The following SPTB variants were observed in gnomAD, a reference collection of about 807,000 sequenced individuals.
SPTB encodes spectrin beta chain, erythrocytic.
In SPTB, 45 loss-of-function variants were observed where a neutral mutation model predicts 256.2. The ratio of observed to expected loss-of-function variants is 0.18; its 90% CI spans 0.14 to 0.23. The LOEUF (loss-of-function observed/expected upper bound fraction) is 0.23, where lower values mean the gene tolerates loss of function less well. Ranked by LOEUF, SPTB falls within the 10% of genes least tolerant of loss-of-function variation. The pLI is 1.00. For synonymous variants in SPTB, 1,231 were observed against 1,243.1 expected, an observed-to-expected ratio of 0.99 and a Z score of 0.21; for missense variants, 2,715 against 3,040.4, an observed-to-expected ratio of 0.89 and a Z score of 2.52.
chr14:64,772,924 G>T lies in SPTB; in HGVS notation c.5209C>A (p.Arg1737=), dbSNP rs149727354. The change falls in exon 26 of 36, where the codon CGG becomes AGG. Residue 1737 remains arginine (R), a synonymous_variant. Transcript: ENST00000644917. This position sits in a 1 kb window ranked among gnomAD's most constrained non-coding sequence, Gnocchi z 5.4. The stretch of plus-strand genomic sequence containing the variant: ...TCCTGCCCAATCGCCCCGGTCTCCC[G>T]GGCAAAGTCCCGGAACTTGTCCCGC... ...LLRDKFRDFA[R]ETGAIGQERV... 1 of 1,603,442 alleles carries T rather than the reference G, an allele frequency of 6.2e-7. No homozygotes were observed.
intron 1 of SPTB, among the ~76,000 whole-genome samples, chr14:64,828,479 G>A (rs904323033): frequency 3.3e-5 from 5 of 152,210 alleles, no homozygotes; most frequent in Admixed American, 2.0e-4. Flanking sequence ...ACCATTAAAG[G>A]AGAGGGGAGA....
At position 64,793,399 on chromosome 14, in the gene SPTB, A is replaced by C; in HGVS notation, c.2264T>G (p.Leu755Arg). 1 of 1,613,392 alleles carries C rather than the reference A, an allele frequency of 6.2e-7. No individual in the cohort carries two copies. Among genetic ancestry groups the C allele is most frequent in the South Asian group, 1.1e-5 (1 of 91,078 alleles). The change falls in exon 14 of 36, where the codon CTG (leucine) becomes CGG (arginine). Residue 755 changes from leucine (L) to arginine (R), a missense_variant. Leu to Arg is a moderately radical substitution (Grantham distance 102). Coordinates refer to ENST00000644917, the MANE Select transcript of SPTB (RefSeq NM_001355436.2). This position sits in a 1 kb window ranked among gnomAD's most constrained non-coding sequence, Gnocchi z 7.0. The stretch of plus-strand genomic sequence containing the variant: ...GTGGGCGTCTTGCAGCCAAGCCTTC[A>C]GGTCATCCGCATCGCCCTGGAACTG... ...FFQFQGDADD[L>R]KAWLQDAHRL...
In SPTB at chr14:64,796,419, C is replaced by G; in HGVS notation, c.1341+138G>C. On this transcript the variant is annotated intron_variant, in intron 11 of 35. Coordinates refer to ENST00000644917, the MANE Select transcript of SPTB (RefSeq NM_001355436.2). The surrounding 1 kb of genome is among the most constrained non-coding windows in gnomAD (Gnocchi z 4.1). ...CTCCTCCCCAGATGCAAATCTTGAT[C>G]CACTGGATCACGGGGGAGCTGTGCT... is the stretch of plus-strand genomic sequence containing the variant. The G allele has an allele frequency of 8.9e-7, 1 of 1,121,324 alleles. No individual in the cohort carries two copies. Among genetic ancestry groups the G allele is most frequent in the East Asian group, 2.4e-5 (1 of 41,882 alleles). The allele number at this position is 1,121,324 out of a possible 1,614,324, so 69.5% of individuals were successfully genotyped here. A position where few individuals can be genotyped will look rare whatever the true frequency, so the allele number is the denominator to read the frequency against.
chr14:64,764,143 C>T lies in SPTB; in HGVS notation c.6345+2583G>A, dbSNP rs575839833. On this transcript the variant is annotated intron_variant, in intron 32 of 35. Coordinates refer to ENST00000644917, the MANE Select transcript of SPTB (RefSeq NM_001355436.2). This position sits in a 1 kb window ranked among gnomAD's most constrained non-coding sequence, Gnocchi z 4.2. ...CCCCAGGACTATCCCCAAGGGGAGG[C>T]GCAGCCATTGGCCATCCCTTCCTGG... Among the ~76,000 whole-genome samples the T allele has an allele frequency of 2.7e-4, 41 of 152,332 alleles. No homozygotes were observed. The highest frequency in any genetic ancestry group is 7.5e-4 in the African/African-American group (31 of 41,560).
Position 64,772,916 on chromosome 14 carries a change from G to A in SPTB, c.5217C>T (p.Thr1739=), listed in dbSNP as rs758308830. 1.9e-5 allele frequency: 31 copies of A among 1,603,924 alleles called. No individual in the cohort carries two copies. Among genetic ancestry groups the A allele is most frequent in the African/African-American group, 1.2e-4 (9 of 74,788 alleles). ...RDKFRDFARE[T]GAIGQERVDN... is the part of the protein sequence containing the mutation. Reference sequence around the variant, plus strand: ...CCACCCGCTCCTGCCCAATCGCCCCGGTCTCCCGGGCAAAGTCCCGGAACT... The same window carrying A: ...CCACCCGCTCCTGCCCAATCGCCCCAGTCTCCCGGGCAAAGTCCCGGAACT... The change falls in exon 26 of 36, where the codon ACC becomes ACT. Residue 1739 remains threonine, a synonymous_variant. Transcript: ENST00000644917. The surrounding 1 kb of genome is among the most constrained non-coding windows in gnomAD (Gnocchi z 5.4).
chr14:64,842,351 T>C (rs1257902563), intron 1 of SPTB, among the ~76,000 whole-genome samples: 1 of 152,122 alleles, frequency 6.6e-6, no homozygotes, highest in African/African-American at 2.4e-5. Context: ...AGGCAGGGGA[T>C]TTCATGGCAG....
chr14:64,829,205 G>A (rs527537927), intron 1 of SPTB, among the ~76,000 whole-genome samples: 23 of 152,222 alleles, frequency 1.5e-4, no homozygotes, highest in Non-Finnish European at 2.5e-4. Flanking sequence ...CCATTTATAG[G>A]AATTACAGGA....
chr14:64,760,585 C>T lies in SPTB; in HGVS notation c.6345+6141G>A, dbSNP rs1402892842. Among the ~76,000 whole-genome samples, 1 of 152,260 alleles carries T rather than the reference C, an allele frequency of 6.6e-6. No individual in the cohort carries two copies. The highest frequency in any genetic ancestry group is 2.1e-4 in the South Asian group (1 of 4,824). ...CCCAGAAACAGGCTGACTGCAGCAA[C>T]GGGATGCATCGTGCCACAACTGAAT... On this transcript the variant is annotated intron_variant, in intron 32 of 35. Coordinates refer to ENST00000644917, the MANE Select transcript of SPTB (RefSeq NM_001355436.2). This position sits in a 1 kb window ranked among gnomAD's most constrained non-coding sequence, Gnocchi z 4.3.
At position 64,825,151 on chromosome 14, in the gene SPTB, C is replaced by T. The variant is rs969377538; in HGVS notation, c.-51-2006G>A. Among the ~76,000 whole-genome samples the T allele has an allele frequency of 7.2e-5, 11 of 151,918 alleles. No individual in the cohort carries two copies. Among genetic ancestry groups the T allele is most frequent in the Non-Finnish European group, 1.5e-4 (10 of 67,986 alleles). Reference sequence around the variant, plus strand: ...GAAAGGACTGGAGCACAGTTTGTTCCCCTCAATCAGAAGGGTTTCAGGAGG... The same window carrying T: ...GAAAGGACTGGAGCACAGTTTGTTCTCCTCAATCAGAAGGGTTTCAGGAGG... On this transcript the variant is annotated intron_variant, in intron 1 of 35. Coordinates refer to ENST00000644917, the MANE Select transcript of SPTB (RefSeq NM_001355436.2). The surrounding 1 kb of genome is among the most constrained non-coding windows in gnomAD (Gnocchi z 4.8).
At position 64,769,090 on chromosome 14, in the gene SPTB, G is replaced by C. The variant is rs749393104; in HGVS notation, c.5966C>G (p.Ser1989Cys). Residue 1989 changes from serine (S) to cysteine (C), a missense_variant, in exon 29 of 36, where the codon TCC becomes TGC. This residue lies in a region of SPTB where 2,239 missense variants were observed against 2,384.4 expected (regional missense o/e 0.94). Coordinates refer to ENST00000644917, the MANE Select transcript of SPTB (RefSeq NM_001355436.2). Reference sequence around the variant, plus strand: ...CTTCTCATTCATCTCTTTCCTCCTGGACATCACCTGCTGCAGTTTCTCGCG... The same window carrying C: ...CTTCTCATTCATCTCTTTCCTCCTGCACATCACCTGCTGCAGTTTCTCGCG... ...EIREKLQQVMSRRKEMNEKWE... is the reference protein window; with the variant it reads ...EIREKLQQVMCRRKEMNEKWE... 6.2e-7 allele frequency: 1 copy of C among 1,613,820 alleles called. No homozygotes were observed. Among genetic ancestry groups the C allele is most frequent in the South Asian group, 1.1e-5 (1 of 91,086 alleles).
Position 64,787,171 on chromosome 14 carries a change from G to C in SPTB, c.2805-11C>G, listed in dbSNP as rs2082587275. 1.2e-6 allele frequency: 2 copies of C among 1,602,626 alleles called. No homozygotes were observed. The highest frequency in any genetic ancestry group is 1.7e-6 in the Non-Finnish European group (2 of 1,179,938). On this transcript the variant is annotated splice_polypyrimidine_tract_variant and intron_variant, in intron 15 of 35. Coordinates refer to ENST00000644917, the MANE Select transcript of SPTB (RefSeq NM_001355436.2). ...TGAAATGCCTGCCACCTGCCGGATGGGGACACAGCCCGGAGGAGAGAGACA... is the reference window on the plus strand; with the variant it reads ...TGAAATGCCTGCCACCTGCCGGATGCGGACACAGCCCGGAGGAGAGAGACA...
At position 64,841,755 on chromosome 14, in the gene SPTB, A is replaced by ATT. The variant is rs952793726; in HGVS notation, c.-51-18612_-51-18611dup. On this transcript the variant is annotated intron_variant, in intron 1 of 35. Coordinates refer to ENST00000644917, the MANE Select transcript of SPTB (RefSeq NM_001355436.2). This position sits in a 1 kb window ranked among gnomAD's most constrained non-coding sequence, Gnocchi z 4.6. ...TCTGACATCCCATATATATATATAT[A>ATT]TTTTTTAAGGGTCTTTCTTTAACAC... Among the ~76,000 whole-genome samples, 13 of 151,900 alleles carry ATT rather than the reference A, an allele frequency of 8.6e-5. No homozygotes were observed. Among genetic ancestry groups the ATT allele is most frequent in the South Asian group, 6.2e-4 (3 of 4,818 alleles).
rs1241731181 is a variant in SPTB at position 64,794,600 on chromosome 14, G to A, written c.1662C>T (p.Ala554=). 9 of 1,614,104 alleles carry A rather than the reference G, an allele frequency of 5.6e-6. No homozygotes were observed. Among genetic ancestry groups the A allele is most frequent in the Admixed American group, 1.7e-5 (1 of 60,020 alleles). ...MDEIKAHLLS[A]EFGKHLLEVE... Reference sequence around the variant, plus strand: ...CCTCCAACAAGTGCTTCCCAAACTCGGCAGACAAGAGGTGAGCCTGGCAAA... The same window carrying A: ...CCTCCAACAAGTGCTTCCCAAACTCAGCAGACAAGAGGTGAGCCTGGCAAA... Residue 554 remains alanine (A), a synonymous_variant, in exon 13 of 36, where the codon GCC becomes GCT. Coordinates refer to ENST00000644917, the MANE Select transcript of SPTB (RefSeq NM_001355436.2).
At chr14:64,757,574 G>GAAGGCC (rs1354393508) in intron 32 of SPTB, 1 of 152,282 alleles carries the variant, frequency 6.6e-6, no homozygotes, top group Non-Finnish European at 1.5e-5. Flanking sequence ...TCTCCACCCT[G>GAAGGCC]AAGGCCAAGG....
Position 64,794,513 on chromosome 14 carries a change from T to A in SPTB, c.1749A>T (p.Lys583Asn). The A allele has an allele frequency of 1.2e-6, 2 of 1,614,182 alleles. No homozygotes were observed. The highest frequency in any genetic ancestry group is 2.7e-5 in the African/African-American group (2 of 75,036). ...GGGTGGCTGCGGTGATGGCCTTCACTTTGTCCCCTTGGATGGCGATGTCAG... is the reference window on the plus strand; with the variant it reads ...GGGTGGCTGCGGTGATGGCCTTCACATTGTCCCCTTGGATGGCGATGTCAG... ...MEADIAIQGD[K>N]VKAITAATLK... The change falls in exon 13 of 36, where the codon AAA (lysine) becomes AAT (asparagine). Residue 583 changes from lysine (K) to asparagine (N), a missense_variant. By Grantham distance (94) the Lys-to-Asn change is moderately conservative. Coordinates refer to ENST00000644917, the MANE Select transcript of SPTB (RefSeq NM_001355436.2).
At chr14:64,862,951 G>C (rs1177507176) in intron 1 of SPTB, among the ~76,000 whole-genome samples, 2 of 152,030 alleles carry the variant, frequency 1.3e-5, no homozygotes, top group Non-Finnish European at 2.9e-5. Flanking sequence ...ATGTGGTAGG[G>C]CCTGAAAATA....
At chr14:64,834,643 C>T (rs2083495055) in intron 1 of SPTB, among the ~76,000 whole-genome samples, 1 of 151,838 alleles carries the variant, frequency 6.6e-6, no homozygotes, top group African/African-American at 2.4e-5. Flanking sequence ...CCAGGCTGGT[C>T]TGGAATTCCT....
At chr14:64,788,449 G>A (rs2082612240) in intron 15 of SPTB, among the ~76,000 whole-genome samples, 1 of 152,218 alleles carries the variant, frequency 6.6e-6, no homozygotes, top group Non-Finnish European at 1.5e-5. Flanking sequence ...GGATACGAGA[G>A]AGGAGAGAGA....
At chr14:64,879,499 CGGG>C (rs1336601770) in intron 1 of SPTB, among the ~76,000 whole-genome samples, 1 of 152,206 alleles carries the variant, frequency 6.6e-6, no homozygotes, top group Admixed American at 6.5e-5. Flanking sequence ...CCCTGCGCCC[CGGG>C]GTGACGGACT....
Sources: gnomAD v4.1 joint callset for allele counts (sites outside exome capture counted in the v4.1 genomes callset) on GRCh38, gnomAD v4.1.1 for gene constraint, gnomAD v4.1.1 regional missense constraint, Gnocchi (gnomAD v3.1) non-coding constraint, MANE v1.5 for transcripts, NCBI Gene and HGNC (gene_info 2026-07-23, HGNC 2026-07-21) for gene names.